The following NLGN1 variants were observed in gnomAD, a reference collection of about 807,000 sequenced individuals.
NLGN1 encodes the protein neuroligin-1.
A neutral mutation model predicts 65.5 loss-of-function variants in NLGN1; 12 were observed. The observed-to-expected ratio is 0.18, with a 90% CI of 0.12 to 0.30. The LOEUF (loss-of-function observed/expected upper bound fraction) is 0.30, where lower values mean the gene tolerates loss of function less well. Ranked by LOEUF, NLGN1 falls within the 10% of genes least tolerant of loss-of-function variation. NLGN1 has a pLI of 1.00. For synonymous variants in NLGN1, 350 were observed against 359.5 expected (o/e 0.97, Z 0.30); for missense variants, 750 against 1,007.1 (o/e 0.74, Z 3.46).
At chr3:173,876,109 C>T (rs1384063813) in intron 4 of NLGN1, among the ~76,000 whole-genome samples, 1 of 152,014 alleles carries the variant, frequency 6.6e-6, no homozygotes, top group Non-Finnish European at 1.5e-5. Context: ...ACTGATTCTC[C>T]TGGAAGGCAG....
chr3:173,816,588 C>G (rs940716752), intron 4 of NLGN1, among the ~76,000 whole-genome samples: 3 of 152,242 alleles, frequency 2.0e-5, no homozygotes, highest in African/African-American at 7.2e-5. Context: ...TTAACCCACT[C>G]TAGTGGCTTT....
chr3:173,953,369 A>G (rs1400550295), intron 4 of NLGN1, among the ~76,000 whole-genome samples: 1 of 152,168 alleles, frequency 6.6e-6, no homozygotes, highest in African/African-American at 2.4e-5. Flanking sequence ...TTGCAGAAAA[A>G]GCTTCATGAA....
chr3:174,137,365 A>C (rs1721403478), intron 4 of NLGN1, among the ~76,000 whole-genome samples: 1 of 152,140 alleles, frequency 6.6e-6, no homozygotes, highest in Non-Finnish European at 1.5e-5. Context: ...TTAGGATTGG[A>C]TATGACATAA....
chr3:174,143,317 C>A (rs960820384), intron 4 of NLGN1, among the ~76,000 whole-genome samples: 1 of 152,100 alleles, frequency 6.6e-6, no homozygotes, highest in Non-Finnish European at 1.5e-5. Flanking sequence ...CCACTGTTAG[C>A]CACAGGGAAA....
At position 174,275,296 on chromosome 3, in the gene NLGN1, C is replaced by T. The variant is rs1306288232; in HGVS notation, c.647-19C>T. ...TTCACGTCAGCTCAAAACGTGTTTT[C>T]TAAATTTATATTTTTCAGGTTTCTT... On this transcript the variant is annotated intron_variant, in intron 4 of 6. Transcript: ENST00000457714. 2.5e-6 allele frequency: 4 copies of T among 1,594,440 alleles called. No individual in the cohort carries two copies.
chr3:173,946,769 G>T, intron 4 of NLGN1, among the ~76,000 whole-genome samples: 1 of 152,076 alleles, frequency 6.6e-6, no homozygotes, highest in East Asian at 1.9e-4. Flanking sequence ...TTTAACCATT[G>T]CCAATATGTC....
rs562798507 is a variant in NLGN1, at chr3:173,847,028, T to C, written c.646+39196T>C. Among the ~76,000 whole-genome samples the C allele has an allele frequency of 6.6e-5, 10 of 152,304 alleles. No individual in the cohort carries two copies. In the East Asian group the frequency reaches 1.9e-3, roughly 29 times the overall value. On this transcript the variant is annotated intron_variant, in intron 4 of 6. Transcript: ENST00000457714. ...ACCTTTTTTTTAATTGTGTTATGAA[T>C]GCACAAGAAAATAAAATGTTAAACT...
intron 4 of NLGN1, among the ~76,000 whole-genome samples, chr3:174,219,452 G>T (rs1159904189): frequency 6.6e-6 from 1 of 152,104 alleles, no homozygotes; most frequent in African/African-American, 2.4e-5. Context: ...AATCACAGGG[G>T]TTGCTTGCTA....
chr3:173,568,544 T>C (rs1163052679), intron 2 of NLGN1, among the ~76,000 whole-genome samples: 1 of 152,188 alleles, frequency 6.6e-6, no homozygotes, highest in Non-Finnish European at 1.5e-5. Context: ...CTCAATAGAT[T>C]TCTTAAACTT....
intron 4 of NLGN1, among the ~76,000 whole-genome samples, chr3:173,926,898 T>C (rs2152276102): frequency 6.6e-6 from 1 of 152,350 alleles, no homozygotes; most frequent in African/African-American, 2.4e-5. Flanking sequence ...AACTGCTTTA[T>C]TGCCTGTAAT....
chr3:173,910,220 A>G (rs1293566805), intron 4 of NLGN1, among the ~76,000 whole-genome samples: 1 of 152,212 alleles, frequency 6.6e-6, no homozygotes, highest in African/African-American at 2.4e-5. Context: ...CTAAAAATGC[A>G]GATTCTGCTT....
At chr3:174,194,786 T>TAAA (rs548336247) in intron 4 of NLGN1, among the ~76,000 whole-genome samples, 1 of 104,640 alleles carries the variant, frequency 9.6e-6, no homozygotes, top group East Asian at 3.3e-4. Flanking sequence ...ACCTATTCAC[T>TAAA]AAAAAAAAAA....
At chr3:173,719,099 C>G (rs1239072585) in intron 3 of NLGN1, among the ~76,000 whole-genome samples, 1 of 152,114 alleles carries the variant, frequency 6.6e-6, no homozygotes, top group Admixed American at 6.6e-5. Context: ...TTCCTCAAAG[C>G]AAAGCACTAT....
At chr3:173,686,825 C>T (rs1194957618) in intron 3 of NLGN1, among the ~76,000 whole-genome samples, 8 of 151,966 alleles carry the variant, frequency 5.3e-5, no homozygotes, top group Non-Finnish European at 5.9e-5. Context: ...TGGTGGCAGG[C>T]GCCTGTAATT....
intron 4 of NLGN1, among the ~76,000 whole-genome samples, chr3:174,180,448 A>G (rs1302229677): frequency 1.3e-5 from 2 of 152,190 alleles, no homozygotes; most frequent in Non-Finnish European, 2.9e-5. Flanking sequence ...TCATGTAATT[A>G]TTGCAAAAGC....
chr3:173,616,739 C>A (rs73174590), intron 3 of NLGN1, among the ~76,000 whole-genome samples: 16,194 of 152,176 alleles, frequency 0.11, 880 homozygotes, highest in Middle Eastern at 0.24. Flanking sequence ...CTTGCCTCAA[C>A]CACTGTAATA....
At chr3:174,134,810 A>G (rs1161942779) in intron 4 of NLGN1, among the ~76,000 whole-genome samples, 4 of 152,158 alleles carry the variant, frequency 2.6e-5, no homozygotes, top group Non-Finnish European at 5.9e-5. Context: ...GTGGAGACAC[A>G]AGTGGGTGCC....
At chr3:173,471,438 C>G (rs931460394) in intron 2 of NLGN1, among the ~76,000 whole-genome samples, 1 of 152,076 alleles carries the variant, frequency 6.6e-6, no homozygotes, top group East Asian at 1.9e-4. Flanking sequence ...CCAACCCATT[C>G]TCTGCCTTCG....
At chr3:173,834,466 T>G (rs1280118312) in intron 4 of NLGN1, among the ~76,000 whole-genome samples, 1 of 152,186 alleles carries the variant, frequency 6.6e-6, no homozygotes, top group Admixed American at 6.5e-5. Flanking sequence ...CAACATTGAA[T>G]TATTCTTTAG....
Sources: allele counts gnomAD v4.1 joint callset (sites outside exome capture counted in the v4.1 genomes callset), GRCh38; gene constraint gnomAD v4.1.1; transcripts MANE v1.5; gene names NCBI Gene and HGNC (gene_info 2026-07-23, HGNC 2026-07-21).